PHF7: variants seen among roughly 807,000 people sequenced by gnomAD.
The protein encoded by PHF7 is PHD finger protein 7.
PHF7 carries 24 observed loss-of-function variants against 47.5 expected under a neutral mutation model. The observed-to-expected ratio is 0.51, with a 90% CI of 0.37 to 0.71. The LOEUF (loss-of-function observed/expected upper bound fraction) is 0.71. Ranked by LOEUF, PHF7 falls within the 30% of genes least tolerant of loss-of-function variation. The pLI is 0.00. For missense variants in PHF7, 361 were observed against 456.8 expected (o/e 0.79, Z 1.91); for synonymous variants, 156 against 153.8 (o/e 1.01, Z -0.11).
At chr3:52,415,842 G>A (rs1705607645) in intron 4 of PHF7, among the ~76,000 whole-genome samples, 1 of 152,232 alleles carries the variant, frequency 6.6e-6, no homozygotes, top group African/African-American at 2.4e-5. Flanking sequence ...GCTACTTTAA[G>A]CATTCATGTA....
At chr3:52,412,993 C>T in intron 2 of PHF7, 73 bp downstream of exon 2, 1 of 1,169,476 alleles carries the variant, frequency 8.6e-7, no homozygotes, top group Non-Finnish European at 1.3e-6. Flanking sequence ...ACTTTTTGCC[C>T]CCTTTGTCGT....
chr3:52,414,687 AT>A, intron 4 of PHF7, 100 bp downstream of exon 4: 1 of 650,786 alleles, frequency 1.5e-6, no homozygotes. Flanking sequence ...TTGTTTTTTT[AT>A]TTTTCTTAAT....
chr3:52,422,073 AG>A, intron 8 of PHF7, 148 bp from the exon 9 acceptor site: 2 of 697,728 alleles, frequency 2.9e-6, no homozygotes, highest in Admixed American at 4.0e-5. Flanking sequence ...TCCCACTGCC[AG>A]GCCACTTGGC....
At chr3:52,412,362 C>G (rs1357051287) in intron 1 of PHF7, among the ~76,000 whole-genome samples, 1 of 152,166 alleles carries the variant, frequency 6.6e-6, no homozygotes, top group East Asian at 1.9e-4. Flanking sequence ...ATTAAGGCAC[C>G]CATACTTAGG....
chr3:52,418,096 C>T (rs921016682), intron 4 of PHF7, among the ~76,000 whole-genome samples: 4 of 152,060 alleles, frequency 2.6e-5, no homozygotes, highest in African/African-American at 7.2e-5. Context: ...TTAAACTAGT[C>T]TTGCATTCTT....
chr3:52,417,031 T>G (rs1705647382), intron 4 of PHF7, among the ~76,000 whole-genome samples: 1 of 152,194 alleles, frequency 6.6e-6, no homozygotes, highest in Non-Finnish European at 1.5e-5. Flanking sequence ...ATCCATTTTT[T>G]TCTTTTATGG....
intron 1 of PHF7, among the ~76,000 whole-genome samples, chr3:52,411,931 A>C (rs1705455806): frequency 6.7e-6 from 1 of 149,572 alleles, no homozygotes; most frequent in Admixed American, 6.7e-5. Flanking sequence ...AATTGATAGG[A>C]GAGGTCAGGC....
chr3:52,416,171 T>C (rs1469315225), intron 4 of PHF7, among the ~76,000 whole-genome samples: 1 of 151,966 alleles, frequency 6.6e-6, no homozygotes, highest in African/African-American at 2.4e-5. Context: ...CATTCACATA[T>C]TTTCTTTGGT....
intron 1 of PHF7, 175 bp downstream of exon 1, chr3:52,411,422 G>C (rs1705429219): frequency 6.6e-6 from 1 of 152,314 alleles, no homozygotes; most frequent in African/African-American, 2.4e-5. Context: ...CATTGCTTCT[G>C]CAACTCCTGG....
In PHF7 at chr3:52,423,212, A is replaced by G. The variant is rs746733685; in HGVS notation, c.1041A>G (p.Pro347=). Reference sequence around the variant, plus strand: ...CGGGCCTTTCTTGGACTGATTGGCCAGAACCTTCCTTATTAGAAAAGCCAG... The same window carrying G: ...CGGGCCTTTCTTGGACTGATTGGCCGGAACCTTCCTTATTAGAAAAGCCAG... ...ENPGLSWTDW[P]EPSLLEKPES... is the part of the protein sequence containing the mutation. The change falls in exon 11 of 11, where the codon CCA becomes CCG. Residue 347 remains proline, a synonymous_variant. Transcript: ENST00000327906. 6.2e-7 allele frequency: 1 copy of G among 1,614,008 alleles called. No homozygotes were observed. The highest frequency in any genetic ancestry group is 1.1e-5 in the South Asian group (1 of 91,084).
Position 52,414,449 on chromosome 3 carries a change from T to C in PHF7, c.95-47T>C, listed in dbSNP as rs750179656. 6.6e-6 allele frequency: 7 copies of C among 1,063,480 alleles called. No homozygotes were observed. In the African/African-American group the frequency reaches 7.8e-5, roughly 12 times the overall value. The allele number at this position is 1,063,480 out of a possible 1,614,324, so 65.9% of individuals were successfully genotyped here. A position where few individuals can be genotyped will look rare whatever the true frequency, so the allele number is the denominator to read the frequency against. ...GTTACATTCTCACCCTTCTCTTCCA[T>C]TCTTAATGGTCAATTTGAGCCAAAT... is the stretch of plus-strand genomic sequence containing the variant. On this transcript the variant is annotated intron_variant, in intron 3 of 10. Coordinates refer to ENST00000327906, the MANE Select transcript of PHF7 (RefSeq NM_016483.7).
At chr3:52,420,848 A>C in intron 6 of PHF7, 55 bp from the exon 7 acceptor site, 1 of 1,544,582 alleles carries the variant, frequency 6.5e-7, no homozygotes. Flanking sequence ...AGAGCGGGCC[A>C]TTGGGAAACT....
chr3:52,414,434 C>T (rs1182262567), intron 3 of PHF7, 62 bp from the exon 4 acceptor site: 2 of 921,772 alleles, frequency 2.2e-6, no homozygotes, highest in Non-Finnish European at 3.6e-6. Flanking sequence ...GTTACATTCT[C>T]ACCCTTCTCT....
intron 2 of PHF7, among the ~76,000 whole-genome samples, chr3:52,413,719 C>T (rs1705534327): frequency 6.6e-6 from 1 of 152,180 alleles, no homozygotes; most frequent in Non-Finnish European, 1.5e-5. Context: ...CCTGTAATCC[C>T]AGCTCCTCGG....
intron 1 of PHF7, 131 bp from the exon 2 acceptor site, chr3:52,412,680 A>G (rs558157536): frequency 1.9e-5 from 11 of 574,434 alleles, no homozygotes; most frequent in South Asian, 8.8e-5. Context: ...ACACATGTCA[A>G]GTACCTAGAA....
At chr3:52,422,181 A>G in intron 8 of PHF7, 41 bp from the exon 9 acceptor site, 3 of 1,362,274 alleles carry the variant, frequency 2.2e-6, no homozygotes, top group Non-Finnish European at 3.2e-6. Flanking sequence ...AGTTTCACCA[A>G]CCCATTATGT....
At chr3:52,416,225 G>A (rs1313950869) in intron 4 of PHF7, among the ~76,000 whole-genome samples, 4 of 144,418 alleles carry the variant, frequency 2.8e-5, no homozygotes, top group African/African-American at 5.1e-5. Context: ...TCGCTCTGTC[G>A]CCCAGGCTGG....
At chr3:52,419,445 T>G (rs1318405387) in intron 4 of PHF7, among the ~76,000 whole-genome samples, 1 of 151,602 alleles carries the variant, frequency 6.6e-6, no homozygotes, top group East Asian at 1.9e-4. Flanking sequence ...TTTTTTCTTT[T>G]TTGAGACAGA....
At position 52,420,446 on chromosome 3, in the gene PHF7, G is replaced by A. The variant is rs1174985774; in HGVS notation, c.413+11G>A. 3 of 1,613,726 alleles carry A rather than the reference G, an allele frequency of 1.9e-6. No individual in the cohort carries two copies. The highest frequency in any genetic ancestry group is 2.5e-6 in the Non-Finnish European group (3 of 1,179,766). On this transcript the variant is annotated intron_variant, in intron 6 of 10. Transcript: ENST00000327906. Reference sequence around the variant, plus strand: ...TTTTGGAGAGTACAAGTGAGTGAGGGAAGGGAAAAGTCTGGCTTCCTTTTT... The same window carrying A: ...TTTTGGAGAGTACAAGTGAGTGAGGAAAGGGAAAAGTCTGGCTTCCTTTTT...
Sources: allele counts gnomAD v4.1 joint callset (sites outside exome capture counted in the v4.1 genomes callset), GRCh38; gene constraint gnomAD v4.1.1; transcripts MANE v1.5; gene names NCBI Gene and HGNC (gene_info 2026-07-23, HGNC 2026-07-21).